Variants in FANK1 observed in about 807,000 individuals in gnomAD.
The protein encoded by FANK1 is fibronectin type III and ankyrin repeat domains 1.
In FANK1, 44 loss-of-function variants were observed where a neutral mutation model predicts 45.3. That is an observed-to-expected ratio of 0.97 (90% CI 0.76 to 1.25). The LOEUF (loss-of-function observed/expected upper bound fraction) is 1.25. Ranked by LOEUF, FANK1 falls within the 50% of genes most tolerant of loss-of-function variation. The pLI is 0.00. For synonymous variants in FANK1, 149 were observed against 152.5 expected (o/e 0.98, Z 0.17); for missense variants, 391 against 424.4 (o/e 0.92, Z 0.69).
At chr10:125,944,814 T>C (rs1948668590) in intron 1 of FANK1, among the ~76,000 whole-genome samples, 1 of 152,216 alleles carries the variant, frequency 6.6e-6, no homozygotes, top group South Asian at 2.1e-4. Flanking sequence ...ATTTAACATC[T>C]ATAGAAACAA....
intron 1 of FANK1, among the ~76,000 whole-genome samples, chr10:125,955,579 C>T (rs1949525985): frequency 6.6e-6 from 1 of 152,118 alleles, no homozygotes; most frequent in African/African-American, 2.4e-5. Context: ...CTCCCAGGCT[C>T]AAGAGATCCT....
intron 1 of FANK1, among the ~76,000 whole-genome samples, chr10:125,919,223 T>TTG (rs1428791696): frequency 9.0e-5 from 12 of 133,278 alleles, no homozygotes; most frequent in Non-Finnish European, 1.7e-4. Flanking sequence ...TTTTTTTTTT[T>TTG]GTGACAGAGT....
At chr10:125,898,849 T>G (rs2134096910) in intron 1 of FANK1, among the ~76,000 whole-genome samples, 2 of 152,170 alleles carry the variant, frequency 1.3e-5, no homozygotes, top group East Asian at 3.9e-4. Context: ...AATTATTTCA[T>G]CAATTTAATT....
intron 7 of FANK1, among the ~76,000 whole-genome samples, chr10:126,006,595 T>C (rs533372432): frequency 2.1e-3 from 315 of 152,276 alleles, no homozygotes; most frequent in Non-Finnish European, 3.6e-3. Context: ...CACAGTGGCT[T>C]ATGCCTGTAA....
At chr10:125,965,835 A>G (rs1950176384) in intron 1 of FANK1, among the ~76,000 whole-genome samples, 1 of 151,982 alleles carries the variant, frequency 6.6e-6, no homozygotes, top group Non-Finnish European at 1.5e-5. Context: ...CCCATATAGA[A>G]CTCCAAGCAG....
chr10:125,994,510 C>T, intron 3 of FANK1: 1 of 985,380 alleles, frequency 1.0e-6, no homozygotes, highest in Non-Finnish European at 1.2e-6. Flanking sequence ...GCTGTATCCA[C>T]TGACGATGGT....
intron 6 of FANK1, among the ~76,000 whole-genome samples, chr10:126,002,232 A>G (rs1486026310): frequency 2.0e-5 from 3 of 152,154 alleles, no homozygotes; most frequent in African/African-American, 7.2e-5. Flanking sequence ...GAATCACTAG[A>G]ACCCAGGAGG....
chr10:125,996,027 A>G (rs1952302128), intron 4 of FANK1, among the ~76,000 whole-genome samples: 1 of 152,224 alleles, frequency 6.6e-6, no homozygotes. Flanking sequence ...GTCATTTGTG[A>G]ATTCGGCTCT....
At chr10:126,007,965 A>G (rs60825106) in intron 7 of FANK1, among the ~76,000 whole-genome samples, 2,285 of 152,286 alleles carry the variant, frequency 0.015, 74 homozygotes, top group African/African-American at 0.053. Flanking sequence ...GTTGTTCTGT[A>G]TTTTACCTGT....
chr10:125,930,156 G>A (rs1318295846), intron 1 of FANK1, among the ~76,000 whole-genome samples: 3 of 152,008 alleles, frequency 2.0e-5, no homozygotes, highest in Non-Finnish European at 4.4e-5. Context: ...CTGGGTTCAA[G>A]CGATTCTCCT....
intron 7 of FANK1, among the ~76,000 whole-genome samples, chr10:126,007,513 A>G (rs2133357206): frequency 6.6e-6 from 1 of 152,322 alleles, no homozygotes; most frequent in South Asian, 2.1e-4. Flanking sequence ...GGATAATCTT[A>G]TATGTAGAAA....
chr10:125,939,665 A>G (rs1035853533), intron 1 of FANK1, among the ~76,000 whole-genome samples: 3 of 152,176 alleles, frequency 2.0e-5, no homozygotes, highest in Non-Finnish European at 4.4e-5. Flanking sequence ...TTTGTCATCT[A>G]TGGTTCCCTA....
chr10:125,957,030 T>C (rs1227788730), intron 1 of FANK1, among the ~76,000 whole-genome samples: 3 of 152,182 alleles, frequency 2.0e-5, no homozygotes. Flanking sequence ...GGCTGTTTTC[T>C]ATTTTTAGTA....
chr10:125,990,574 G>A (rs73370575), intron 3 of FANK1, among the ~76,000 whole-genome samples: 2,515 of 152,288 alleles, frequency 0.017, 73 homozygotes, highest in African/African-American at 0.055. Flanking sequence ...GGTGAATATG[G>A]TTGGTTCTGC....
intron 1 of FANK1, among the ~76,000 whole-genome samples, chr10:125,945,300 C>T (rs532759569): frequency 3.9e-5 from 6 of 152,300 alleles, no homozygotes; most frequent in South Asian, 2.1e-4. Flanking sequence ...GTGTGAGCGA[C>T]GCAGAAGACG....
chr10:125,909,884 AT>A (rs200051066), intron 1 of FANK1, among the ~76,000 whole-genome samples: 6,692 of 151,760 alleles, frequency 0.044, 483 homozygotes, highest in African/African-American at 0.15. Flanking sequence ...ACGATTATAG[AT>A]TTCCCCCACC....
intron 6 of FANK1, among the ~76,000 whole-genome samples, chr10:125,998,283 G>T (rs1227646596): frequency 1.3e-5 from 2 of 152,190 alleles, no homozygotes; most frequent in Admixed American, 6.5e-5. Context: ...GGGAGGCCTT[G>T]AAGAAAACCC....
chr10:125,959,199 C>A (rs1408402909), intron 1 of FANK1, among the ~76,000 whole-genome samples: 1 of 151,788 alleles, frequency 6.6e-6, no homozygotes, highest in Non-Finnish European at 1.5e-5. Context: ...GAGTTCGAGA[C>A]CAGCCTGGCC....
intron 2 of FANK1, among the ~76,000 whole-genome samples, chr10:125,981,988 A>G (rs1195633293): frequency 6.6e-6 from 1 of 152,220 alleles, no homozygotes; most frequent in African/African-American, 2.4e-5. Context: ...TATTTGAGAA[A>G]TTTCTCTGTA....
Sources: gnomAD v4.1 joint callset for allele counts (sites outside exome capture counted in the v4.1 genomes callset) on GRCh38, gnomAD v4.1.1 for gene constraint, MANE v1.5 for transcripts, NCBI Gene and HGNC (gene_info 2026-07-23, HGNC 2026-07-21) for gene names.